Variants in SLC9B1 observed in about 807,000 individuals in gnomAD.
SLC9B1 encodes sodium/hydrogen exchanger 9B1.
In SLC9B1, 32 loss-of-function variants were observed where a neutral mutation model predicts 51.7. That is an observed-to-expected ratio of 0.62 (90% confidence interval 0.47 to 0.83). The LOEUF (loss-of-function observed/expected upper bound fraction) is 0.83. SLC9B1 is among the 40% of genes least tolerant of loss of function. The probability of loss-of-function intolerance (pLI) is 0.00; values close to 1 mark genes in which losing one functional copy is unlikely to be tolerated. For missense variants in SLC9B1, 406 were observed against 613.2 expected, an observed-to-expected ratio of 0.66 and a Z score of 3.57; for synonymous variants, 145 against 212.7, an observed-to-expected ratio of 0.68 and a Z score of 2.77.
chr4:102,918,738 C>T (rs1268897441), intron 7 of SLC9B1, among the ~76,000 whole-genome samples: 7 of 152,220 alleles, frequency 4.6e-5, no homozygotes, highest in Admixed American at 3.9e-4. Flanking sequence ...ATAGTGACCT[C>T]ACCAGTCACT....
intron 7 of SLC9B1, among the ~76,000 whole-genome samples, chr4:102,921,709 G>T (rs755016676): frequency 2.6e-5 from 4 of 152,214 alleles, no homozygotes; most frequent in Admixed American, 1.3e-4. Flanking sequence ...TAAAGGGATG[G>T]AGGAAGATCT....
intron 7 of SLC9B1, among the ~76,000 whole-genome samples, chr4:102,919,777 C>T (rs1001317767): frequency 8.5e-5 from 13 of 152,208 alleles, no homozygotes; most frequent in African/African-American, 2.9e-4. Context: ...CTCAGCGGGT[C>T]CCACACCCAT....
chr4:102,995,995 TC>T, intron 1 of SLC9B1, among the ~76,000 whole-genome samples: 1 of 152,308 alleles, frequency 6.6e-6, no homozygotes, highest in African/African-American at 2.4e-5. Context: ...AATTTAACTT[TC>T]AATATGGTCA....
intron 7 of SLC9B1, among the ~76,000 whole-genome samples, chr4:102,927,941 T>C (rs1188549740): frequency 1.3e-5 from 2 of 152,132 alleles, no homozygotes; most frequent in Non-Finnish European, 2.9e-5. Context: ...TAGATGAAGC[T>C]GGAAACCATC....
chr4:102,913,796 T>TAAAAAAAAAAAAAAAAAAAAAAAAAAC (rs61244946), intron 7 of SLC9B1, among the ~76,000 whole-genome samples: 2 of 71,446 alleles, frequency 2.8e-5, no homozygotes, highest in African/African-American at 5.3e-5. Flanking sequence ...AGATAGAAAC[T>TAAAAAAAAAAAAAAAAAAAAAAAAAAC]AAAAAAAAAA....
intron 1 of SLC9B1, among the ~76,000 whole-genome samples, chr4:103,006,878 C>T (rs971857243): frequency 6.6e-6 from 1 of 152,096 alleles, no homozygotes; most frequent in Admixed American, 6.6e-5. Flanking sequence ...AACTAAACCC[C>T]AAAACCATAT....
At chr4:102,955,861 G>GA (rs1299311088) in intron 3 of SLC9B1, among the ~76,000 whole-genome samples, 1 of 126,504 alleles carries the variant, frequency 7.9e-6, no homozygotes, top group Non-Finnish European at 1.6e-5. Flanking sequence ...AAGAAAGAAA[G>GA]AAAGAAAGAA....
At chr4:103,014,275 T>C (rs1741213836) in intron 1 of SLC9B1, among the ~76,000 whole-genome samples, 1 of 152,214 alleles carries the variant, frequency 6.6e-6, no homozygotes, top group Non-Finnish European at 1.5e-5. Context: ...TTCATCCAGC[T>C]AACGCTTCAT....
At chr4:102,911,191 C>T (rs182718877) in intron 8 of SLC9B1, among the ~76,000 whole-genome samples, 11 of 152,256 alleles carry the variant, frequency 7.2e-5, no homozygotes, top group Non-Finnish European at 7.4e-5. Flanking sequence ...CAGAGGGATA[C>T]TCTGCATTAA....
In SLC9B1 at chr4:102,905,648, T is replaced by C. The variant is rs775280713; in HGVS notation, c.1198A>G (p.Ile400Val). ...GCCAAACTTAGAGTGGCAACAGATATGCCTACAACAGATGAAAACAAACAT... is the reference window on the plus strand; with the variant it reads ...GCCAAACTTAGAGTGGCAACAGATACGCCTACAACAGATGAAAACAAACAT... Reference protein sequence around the residue: ...VSSLESNIVGISVATLSLALC... With the variant: ...VSSLESNIVGVSVATLSLALC... The change falls in exon 11 of 12, where the codon ATA (isoleucine) becomes GTA (valine). Residue 400 changes from isoleucine to valine, a missense_variant and splice_region_variant. Ile to Val is a conservative substitution (Grantham distance 29). This residue lies in a region of SLC9B1 where 250 missense variants were observed against 394.1 expected (regional missense o/e 0.63). Coordinates refer to ENST00000296422, the MANE Select transcript of SLC9B1 (RefSeq NM_139173.4). 6.2e-7 allele frequency: 1 copy of C among 1,608,644 alleles called. No individual in the cohort carries two copies. Among genetic ancestry groups the C allele is most frequent in the Non-Finnish European group, 8.5e-7 (1 of 1,178,896 alleles).
intron 3 of SLC9B1, among the ~76,000 whole-genome samples, chr4:102,981,190 A>G (rs139479311): frequency 2.2e-3 from 337 of 152,242 alleles, no homozygotes; most frequent in African/African-American, 6.7e-3. Context: ...ATTTCTTTTC[A>G]GTATTGAATA....
At chr4:102,894,824 T>C (rs1192990846) in intron 11 of SLC9B1, among the ~76,000 whole-genome samples, 2 of 152,054 alleles carry the variant, frequency 1.3e-5, no homozygotes, top group African/African-American at 4.8e-5. Flanking sequence ...GCTTGGCGCA[T>C]GCTTATAGAA....
At chr4:102,992,239 G>C (rs1421348930) in intron 1 of SLC9B1, among the ~76,000 whole-genome samples, 1 of 152,000 alleles carries the variant, frequency 6.6e-6, no homozygotes, top group Non-Finnish European at 1.5e-5. Context: ...TTTTGAAGAA[G>C]AATAAACTAG....
chr4:102,898,192 A>T, downstream of SLC9B1: 1 of 519,600 alleles, frequency 1.9e-6, no homozygotes, highest in African/African-American at 1.9e-5. Flanking sequence ...CAAGCTAAAG[A>T]GGCTGCCCAG....
At chr4:103,018,363 T>G (rs6842179) in intron 1 of SLC9B1, among the ~76,000 whole-genome samples, 85,539 of 151,860 alleles carry the variant, frequency 0.56, 25,035 homozygotes, top group African/African-American at 0.74. Context: ...AAACTGAACT[T>G]GTACTAACTA....
intron 7 of SLC9B1, among the ~76,000 whole-genome samples, chr4:102,925,527 T>C (rs1361577920): frequency 6.6e-6 from 1 of 152,070 alleles, no homozygotes; most frequent in Non-Finnish European, 1.5e-5. Context: ...GTTGTGCACA[T>C]GTACCCTAGA....
intron 1 of SLC9B1, among the ~76,000 whole-genome samples, chr4:103,006,170 G>GAAAGAATAAATAAGATTATTT (rs1740776927): frequency 6.6e-6 from 1 of 151,610 alleles, no homozygotes; most frequent in Non-Finnish European, 1.5e-5. Context: ...TTGGTTTTTT[G>GAAAGAATAAATAAGATTATTT]AAAGAATAAA....
chr4:102,979,658 C>T (rs1166381146), intron 3 of SLC9B1, among the ~76,000 whole-genome samples: 1 of 152,128 alleles, frequency 6.6e-6, no homozygotes, highest in South Asian at 2.1e-4. Context: ...CCACTTGGCT[C>T]CTTAGTGTCT....
intron 7 of SLC9B1, among the ~76,000 whole-genome samples, chr4:102,925,751 C>T (rs1736133072): frequency 6.6e-6 from 1 of 150,714 alleles, no homozygotes; most frequent in Non-Finnish European, 1.5e-5. Context: ...TTTTATGAGG[C>T]CAGCATCATC....
Sources: gnomAD v4.1 joint callset for allele counts (sites outside exome capture counted in the v4.1 genomes callset) on GRCh38, gnomAD v4.1.1 for gene constraint, gnomAD v4.1.1 regional missense constraint, MANE v1.5 for transcripts, NCBI Gene and HGNC (gene_info 2026-07-23, HGNC 2026-07-21) for gene names.